Variants in ATE1 observed in about 807,000 individuals in gnomAD.
ATE1 encodes arginyl-tRNA--protein transferase 1.
In ATE1, 36 loss-of-function variants were observed where a neutral mutation model predicts 70.5. That is an observed-to-expected ratio of 0.51 (90% CI 0.39 to 0.67). The LOEUF is 0.67. Ranked by LOEUF, ATE1 falls within the 30% of genes least tolerant of loss-of-function variation. ATE1 has a pLI of 0.00. For synonymous variants in ATE1, 232 were observed against 219.3 expected (o/e 1.06, Z -0.51); for missense variants, 593 against 629.5 (o/e 0.94, Z 0.62).
At chr10:121,794,391 T>C (rs1281211021) in intron 10 of ATE1, among the ~76,000 whole-genome samples, 3 of 151,732 alleles carry the variant, frequency 2.0e-5, no homozygotes, top group African/African-American at 7.3e-5. Context: ...CAGCAGAACA[T>C]AAAAGAAGAG....
At chr10:121,873,760 T>C (rs1286611712) in intron 7 of ATE1, among the ~76,000 whole-genome samples, 1 of 151,664 alleles carries the variant, frequency 6.6e-6, no homozygotes, top group Non-Finnish European at 1.5e-5. Flanking sequence ...ATTCAACAGA[T>C]AATTCAAGCC....
Position 121,865,577 on chromosome 10 carries a change from T to C in ATE1, c.975+4429A>G, listed in dbSNP as rs186413044. ...TGTAATTCAGACTTAGAAATGTCAA[T>C]AAAAATGTCTGTAAGGCCGGGGTCC... On this transcript the variant is annotated intron_variant, in intron 8 of 11. Transcript: ENST00000224652. Among the ~76,000 whole-genome samples the C allele has an allele frequency of 7.2e-5, 11 of 152,268 alleles. No homozygotes were observed. The East Asian group carries it at 2.1e-3, about 29-fold the overall frequency.
At chr10:121,772,690 T>C (rs1461549095) in intron 11 of ATE1, among the ~76,000 whole-genome samples, 4 of 152,194 alleles carry the variant, frequency 2.6e-5, no homozygotes, top group African/African-American at 9.7e-5. Flanking sequence ...CAACTGATGA[T>C]TTGTATGGTG....
In ATE1 at chr10:121,911,018, A is replaced by AT. The variant is rs747294933; in HGVS notation, c.470dup (p.Asn157LysfsTer25). 3 of 1,613,844 alleles carry AT rather than the reference A, an allele frequency of 1.9e-6. No homozygotes were observed. The South Asian group carries it at 3.3e-5, about 18-fold the overall frequency. On this transcript the variant is annotated frameshift_variant, in exon 5 of 12. Coordinates refer to ENST00000224652, the MANE Select transcript of ATE1 (RefSeq NM_001001976.3). LOFTEE classifies it high-confidence loss of function. ...ATTCCTGAGGTTCTTCTTTCTTTGAATTTTTTCCTTCACTCTCTAAACTCT... is the reference window on the plus strand; with the variant it reads ...ATTCCTGAGGTTCTTCTTTCTTTGAATTTTTTTCCTTCACTCTCTAAACTCT...
Position 121,843,031 on chromosome 10 carries a change from C to G in ATE1, c.976-1768G>C, listed in dbSNP as rs552961656. 2.4e-3 allele frequency among the ~76,000 whole-genome samples: 371 copies of G among 152,194 alleles called. 2 individuals are homozygous for G. Among genetic ancestry groups the G allele is most frequent in the Non-Finnish European group, 4.0e-3 (270 of 67,980 alleles). ...GTATAGACTGGAAAGGAGGAAAAGC[C>G]TGTCTTTCTTTATAGATAACATGAC... On this transcript the variant is annotated intron_variant, in intron 8 of 11. Transcript: ENST00000224652.
chr10:121,767,323 G>T (rs1214175722), intron 11 of ATE1, among the ~76,000 whole-genome samples: 1 of 151,932 alleles, frequency 6.6e-6, no homozygotes, highest in Non-Finnish European at 1.5e-5. Context: ...TTCCCCCTAA[G>T]ATCAGAAAAA....
chr10:121,840,660 T>A (rs1366797416), intron 9 of ATE1, among the ~76,000 whole-genome samples: 1 of 151,964 alleles, frequency 6.6e-6, no homozygotes, highest in African/African-American at 2.4e-5. Flanking sequence ...GACACTGGCA[T>A]CAGTTCTAAA....
intron 10 of ATE1, among the ~76,000 whole-genome samples, chr10:121,830,397 C>G (rs1948191674): frequency 6.6e-6 from 1 of 152,160 alleles, no homozygotes; most frequent in Admixed American, 6.5e-5. Context: ...CTGCAGGTCT[C>G]TGCTCCAGTC....
chr10:121,776,721 T>G (rs567157736), intron 11 of ATE1, among the ~76,000 whole-genome samples: 2 of 152,390 alleles, frequency 1.3e-5, no homozygotes, highest in South Asian at 4.1e-4. Context: ...TTGTTTCAGC[T>G]GTGTAAGTGT....
chr10:121,816,097 T>G (rs561867682), intron 10 of ATE1, among the ~76,000 whole-genome samples: 11 of 152,330 alleles, frequency 7.2e-5, no homozygotes, highest in Admixed American at 5.9e-4. Flanking sequence ...CTATAGCTAA[T>G]ATGTTAGAGA....
chr10:121,846,418 C>A (rs539704728), intron 8 of ATE1, among the ~76,000 whole-genome samples: 5 of 152,104 alleles, frequency 3.3e-5, no homozygotes, highest in Non-Finnish European at 5.9e-5. Context: ...AGCATAACTC[C>A]CTACTACTTA....
intron 8 of ATE1, among the ~76,000 whole-genome samples, chr10:121,865,614 A>C (rs1390616953): frequency 6.6e-6 from 1 of 152,232 alleles, no homozygotes; most frequent in African/African-American, 2.4e-5. Flanking sequence ...GTGTAAGCCT[A>C]GCAGGGGAGT....
intron 11 of ATE1, among the ~76,000 whole-genome samples, chr10:121,755,404 T>C (rs1420626654): frequency 1.3e-5 from 2 of 152,192 alleles, no homozygotes; most frequent in South Asian, 2.1e-4. Flanking sequence ...ACAGAAAAAG[T>C]GATAAGGCAA....
intron 10 of ATE1, among the ~76,000 whole-genome samples, chr10:121,805,252 A>C (rs2133410600): frequency 6.6e-6 from 1 of 152,364 alleles, no homozygotes; most frequent in Non-Finnish European, 1.5e-5. Context: ...TGAATAAAAT[A>C]ATAAACAAAC....
At chr10:121,780,857 C>T (rs1308062976) in intron 11 of ATE1, among the ~76,000 whole-genome samples, 5 of 152,206 alleles carry the variant, frequency 3.3e-5, no homozygotes, top group Non-Finnish European at 7.3e-5. Flanking sequence ...ACTGCCTCTT[C>T]CTTCTCCCAC....
At chr10:121,841,026 G>A (rs1386772145) in intron 9 of ATE1, 56 bp downstream of exon 9, 2 of 1,290,380 alleles carry the variant, frequency 1.5e-6, no homozygotes, top group Non-Finnish European at 2.0e-6. Context: ...AATCAAATGA[G>A]TAATTATTTG....
At chr10:121,758,004 A>G (rs1301757143) in intron 11 of ATE1, among the ~76,000 whole-genome samples, 1 of 152,234 alleles carries the variant, frequency 6.6e-6, no homozygotes, top group African/African-American at 2.4e-5. Context: ...TGACATGTTA[A>G]GAGATCCTTA....
chr10:121,831,834 A>C (rs1229017164), intron 10 of ATE1, among the ~76,000 whole-genome samples: 1 of 152,222 alleles, frequency 6.6e-6, no homozygotes, highest in Non-Finnish European at 1.5e-5. Flanking sequence ...TAATTCCAGT[A>C]AATGTATATA....
chr10:121,922,819 T>A (rs1198771730), intron 2 of ATE1, among the ~76,000 whole-genome samples: 1 of 152,120 alleles, frequency 6.6e-6, no homozygotes, highest in Non-Finnish European at 1.5e-5. Context: ...ACCCCAAAAC[T>A]AACCCGCTTC....
Sources: gnomAD v4.1 joint callset for allele counts (sites outside exome capture counted in the v4.1 genomes callset) on GRCh38, gnomAD v4.1.1 for gene constraint, MANE v1.5 for transcripts, NCBI Gene and HGNC (gene_info 2026-07-23, HGNC 2026-07-21) for gene names.